Variants in PHF10 observed in about 807,000 individuals in gnomAD.
The protein encoded by PHF10 is BRG1-associated factor 45a.
PHF10 carries 51 observed loss-of-function variants against 68.5 expected under a neutral mutation model. The ratio of observed to expected loss-of-function variants is 0.74; its 90% CI spans 0.59 to 0.94. The LOEUF (loss-of-function observed/expected upper bound fraction) is 0.94. Among genes scored for constraint, PHF10 ranks in the 40% least tolerant of loss-of-function variants. The pLI is 0.00. For synonymous variants in PHF10, 204 were observed against 203.5 expected (o/e 1.00, Z -0.02); for missense variants, 460 against 602.6 (o/e 0.76, Z 2.48).
chr6:169,711,326 G>A (rs1475649556), intron 8 of PHF10, among the ~76,000 whole-genome samples: 1 of 152,090 alleles, frequency 6.6e-6, no homozygotes, highest in Non-Finnish European at 1.5e-5. Flanking sequence ...TCCTATAAAT[G>A]TAATATAATA....
At chr6:169,723,046 C>A (rs776423591) in intron 1 of PHF10, among the ~76,000 whole-genome samples, 2 of 152,226 alleles carry the variant, frequency 1.3e-5, no homozygotes, top group Non-Finnish European at 2.9e-5. Context: ...AGGCGCAGCC[C>A]GGCTAGGCTG....
chr6:169,721,412 C>T (rs1789174524), intron 1 of PHF10, among the ~76,000 whole-genome samples: 1 of 152,174 alleles, frequency 6.6e-6, no homozygotes, highest in Non-Finnish European at 1.5e-5. Context: ...AACTCTCCTA[C>T]CCAAGCTCAG....
At chr6:169,720,504 A>G (rs1402635882) in intron 2 of PHF10, among the ~76,000 whole-genome samples, 1 of 152,226 alleles carries the variant, frequency 6.6e-6, no homozygotes, top group Admixed American at 6.5e-5. Flanking sequence ...TGCTACAAAG[A>G]TGAACCTTGA....
At chr6:169,712,331 T>C (rs1788941965) in intron 8 of PHF10, 55 bp downstream of exon 8, 1 of 1,461,902 alleles carries the variant, frequency 6.8e-7, no homozygotes, top group South Asian at 1.2e-5. Context: ...AAATTCAATG[T>C]AACAAAAATT....
intron 9 of PHF10, chr6:169,709,438 G>C (rs191314759): frequency 6.6e-6 from 1 of 152,112 alleles, no homozygotes; most frequent in Non-Finnish European, 1.5e-5. Context: ...ATATGAAACT[G>C]TACAGCTAAT....
At chr6:169,712,565 G>C (rs1318222888) in intron 7 of PHF10, 26 bp from the exon 8 acceptor site, 5 of 1,588,690 alleles carry the variant, frequency 3.1e-6, no homozygotes, top group Non-Finnish European at 3.4e-6. Context: ...TTTATTTTTG[G>C]TTTCCCTTTA....
chr6:169,715,360 C>T (rs1231176981), intron 6 of PHF10, among the ~76,000 whole-genome samples: 2 of 152,000 alleles, frequency 1.3e-5, no homozygotes, highest in African/African-American at 2.4e-5. Flanking sequence ...AAAAAGAACA[C>T]GCAGGTGTCA....
chr6:169,712,376 A>C lies in PHF10; in HGVS notation c.957+10T>G. The C allele has an allele frequency of 1.2e-6, 2 of 1,612,028 alleles. No individual in the cohort carries two copies. Among genetic ancestry groups the C allele is most frequent in the South Asian group, 2.2e-5 (2 of 90,992 alleles). The stretch of plus-strand genomic sequence containing the variant: ...AGGAAATGCTTCCTACTAGAGAGAA[A>C]TGTTCTCACCGAAGTGCCTTTATTT... On this transcript the variant is annotated intron_variant, in intron 8 of 11. Transcript: ENST00000339209.
intron 2 of PHF10, 156 bp from the exon 3 acceptor site, chr6:169,719,074 C>A: frequency 1.8e-6 from 1 of 544,110 alleles, no homozygotes; most frequent in Non-Finnish European, 3.2e-6. Context: ...AAAACAGGTA[C>A]AAGGAATAGA....
chr6:169,720,901 A>G, intron 2 of PHF10, 104 bp downstream of exon 2: 1 of 630,030 alleles, frequency 1.6e-6, no homozygotes, highest in South Asian at 2.3e-5. Context: ...AATATTCTAC[A>G]ATTTTTAATA....
rs191314759 is a variant in PHF10, at chr6:169,709,438, G to A, written c.1113+798C>T. The A allele has an allele frequency of 5.9e-5, 9 of 152,230 alleles. No individual in the cohort carries two copies. In the East Asian group the frequency reaches 1.7e-3, roughly 29 times the overall value. 9.4% of individuals were successfully genotyped at this position (152,230 alleles called of 1,614,324 possible). A position where few individuals can be genotyped will look rare whatever the true frequency, so the allele number is the denominator to read the frequency against. The stretch of plus-strand genomic sequence containing the variant: ...CTACCACCATCCCAAATATGAAACT[G>A]TACAGCTAATTCTTCCTTTTATGAT... On this transcript the variant is annotated intron_variant, in intron 9 of 11. Transcript: ENST00000339209.
chr6:169,712,562 T>C (rs2128329848), intron 7 of PHF10, 23 bp from the exon 8 acceptor site: 1 of 1,591,014 alleles, frequency 6.3e-7, no homozygotes, highest in Non-Finnish European at 8.5e-7. Context: ...GAGTTTATTT[T>C]TGGTTTCCCT....
At chr6:169,705,479 G>T (rs1384332417) in intron 10 of PHF10, 137 bp downstream of exon 10, 6 of 710,032 alleles carry the variant, frequency 8.5e-6, no homozygotes, top group Non-Finnish European at 1.5e-5. Context: ...CACATGGGCT[G>T]TGTCTATGCC....
Position 169,724,219 on chromosome 6 carries a change from G to A in PHF10, c.-288C>T, listed in dbSNP as rs1383778566. 1.4e-5 allele frequency among the ~76,000 whole-genome samples: 2 copies of A among 146,138 alleles called. No individual in the cohort carries two copies. The highest frequency in any genetic ancestry group is 3.0e-5 in the Non-Finnish European group (2 of 65,770). Reference sequence around the variant, plus strand: ...GCCGGAATGGAGGAGGCCCAGCGGCGGCGGCGCTTCTCACGTCAGCCCAAC... The same window carrying A: ...GCCGGAATGGAGGAGGCCCAGCGGCAGCGGCGCTTCTCACGTCAGCCCAAC... On this transcript the variant is annotated 5_prime_UTR_variant, in exon 1 of 12. Coordinates refer to ENST00000339209, the MANE Select transcript of PHF10 (RefSeq NM_018288.4).
At chr6:169,716,655 G>A (rs1585303405) in intron 4 of PHF10, among the ~76,000 whole-genome samples, 2 of 152,118 alleles carry the variant, frequency 1.3e-5, no homozygotes, top group African/African-American at 2.4e-5. Flanking sequence ...GTGAAAAAAA[G>A]ATTACAAATA....
chr6:169,711,650 A>T (rs1788928468), intron 8 of PHF10, among the ~76,000 whole-genome samples: 1 of 152,214 alleles, frequency 6.6e-6, no homozygotes, highest in Non-Finnish European at 1.5e-5. Context: ...TCACCACTTT[A>T]ATACTTGAAC....
rs748577299 is a variant in PHF10 at position 169,712,422 on chromosome 6, A to G, written c.921T>C (p.Gly307=). Residue 307 remains glycine, a synonymous_variant, in exon 8 of 12, where the codon GGT becomes GGC. Coordinates refer to ENST00000339209, the MANE Select transcript of PHF10 (RefSeq NM_018288.4). ...TATTTTTCCGTTTCTCATCACCTCG[A>G]CCATCTTCGCCATCATCTGAATCAC... ...SDGDSDDGED[G]RGDEKRKNKG... is the part of the protein sequence containing the mutation. 1.9e-6 allele frequency: 3 copies of G among 1,614,084 alleles called. No individual in the cohort carries two copies. Among genetic ancestry groups the G allele is most frequent in the Non-Finnish European group, 2.5e-6 (3 of 1,179,990 alleles).
At position 169,703,979 on chromosome 6, in the gene PHF10, A is replaced by G; in HGVS notation, c.*24T>C. On this transcript the variant is annotated 3_prime_UTR_variant, in exon 12 of 12. Coordinates refer to ENST00000339209, the MANE Select transcript of PHF10 (RefSeq NM_018288.4). The stretch of plus-strand genomic sequence containing the variant: ...CCAAATATTCCACTTAAATGCATAT[A>G]CAGTATTAGAGTCAAAAACTATTTT... 1 of 1,513,180 alleles carries G rather than the reference A, an allele frequency of 6.6e-7. No homozygotes were observed. Among genetic ancestry groups the G allele is most frequent in the Non-Finnish European group, 9.0e-7 (1 of 1,116,540 alleles). 93.7% of individuals were successfully genotyped at this position (1,513,180 alleles called of 1,614,324 possible). A position where few individuals can be genotyped will look rare whatever the true frequency, so the allele number is the denominator to read the frequency against.
At chr6:169,721,997 C>A (rs1789190232) in intron 1 of PHF10, among the ~76,000 whole-genome samples, 1 of 152,198 alleles carries the variant, frequency 6.6e-6, no homozygotes, top group Non-Finnish European at 1.5e-5. Flanking sequence ...TCTCACTGGG[C>A]ACTGTCCCTC....
Sources: gnomAD v4.1 joint callset for allele counts (sites outside exome capture counted in the v4.1 genomes callset) on GRCh38, gnomAD v4.1.1 for gene constraint, MANE v1.5 for transcripts, NCBI Gene and HGNC (gene_info 2026-07-23, HGNC 2026-07-21) for gene names.